Variants in KIZ observed in about 807,000 individuals in gnomAD.
KIZ encodes kizuna centrosomal protein, also known as centrosomal protein kizuna.
KIZ carries 68 observed loss-of-function variants against 79.6 expected under a neutral mutation model. That is an observed-to-expected ratio of 0.85 (90% CI 0.70 to 1.05). KIZ has a LOEUF of 1.05. Ranked by LOEUF, KIZ falls within the 50% of genes least tolerant of loss-of-function variation. The pLI, the probability that KIZ is intolerant of heterozygous loss-of-function variation, is 0.00. For synonymous variants in KIZ, 280 were observed against 281.8 expected (o/e 0.99, Z 0.06); for missense variants, 797 against 800.4 (o/e 1.00, Z 0.05).
chr20:21,203,823 A>G (rs1423381025), intron 6 of KIZ, among the ~76,000 whole-genome samples: 2 of 152,198 alleles, frequency 1.3e-5, no homozygotes, highest in Non-Finnish European at 2.9e-5. Flanking sequence ...AAAATTAGCC[A>G]TCTTAACCAT....
At chr20:21,150,277 C>G (rs898249605) in intron 4 of KIZ, among the ~76,000 whole-genome samples, 2 of 152,212 alleles carry the variant, frequency 1.3e-5, no homozygotes, top group African/African-American at 4.8e-5. Context: ...TGGGCCCGCC[C>G]TCTCACACCT....
chr20:21,155,628 C>T (rs939357244), intron 4 of KIZ, among the ~76,000 whole-genome samples: 18 of 151,978 alleles, frequency 1.2e-4, no homozygotes, highest in African/African-American at 3.9e-4. Flanking sequence ...CACAACTCTG[C>T]GAATATACTA....
At chr20:21,172,565 C>CTCCA (rs1337337767) in intron 6 of KIZ, among the ~76,000 whole-genome samples, 2 of 151,784 alleles carry the variant, frequency 1.3e-5, no homozygotes, top group African/African-American at 4.8e-5. Flanking sequence ...TGCCACTGCA[C>CTCCA]TCCAGCCTGG....
intron 6 of KIZ, chr20:21,195,430 C>G (rs2035298017): frequency 6.6e-6 from 1 of 152,336 alleles, no homozygotes; most frequent in Admixed American, 6.5e-5. Flanking sequence ...AGATAAAATA[C>G]ACCTTACCAT....
chr20:21,243,090 C>G (rs1255760289), intron 11 of KIZ, among the ~76,000 whole-genome samples: 1 of 152,074 alleles, frequency 6.6e-6, no homozygotes, highest in Non-Finnish European at 1.5e-5. Flanking sequence ...TGGGTTCTTG[C>G]AGGCTCACCT....
chr20:21,165,110 C>G (rs2033869057), intron 6 of KIZ, among the ~76,000 whole-genome samples: 1 of 152,132 alleles, frequency 6.6e-6, no homozygotes, highest in South Asian at 2.1e-4. Flanking sequence ...GCACTATAAC[C>G]TAAACAGTTC....
At chr20:21,133,768 G>A (rs760774919) in intron 2 of KIZ, among the ~76,000 whole-genome samples, 1 of 152,198 alleles carries the variant, frequency 6.6e-6, no homozygotes, top group African/African-American at 2.4e-5. Flanking sequence ...TGGAGAGCAG[G>A]GCTGGGCTGA....
chr20:21,234,351 CA>C (rs767526030), intron 11 of KIZ, among the ~76,000 whole-genome samples: 176 of 137,546 alleles, frequency 1.3e-3, no homozygotes, highest in African/African-American at 4.5e-3. Flanking sequence ...TTTAAGAAAA[CA>C]AAAAAAAAAA....
chr20:21,227,400 T>C (rs548362038), intron 9 of KIZ, among the ~76,000 whole-genome samples: 1 of 152,172 alleles, frequency 6.6e-6, no homozygotes, highest in Non-Finnish European at 1.5e-5. Context: ...CTGCTCCTTT[T>C]TTTTCAAATT....
At position 21,222,890 on chromosome 20, in the gene KIZ, G is replaced by A. The variant is rs188364652; in HGVS notation, c.1679-6121G>A. Among the ~76,000 whole-genome samples, 455 of 152,330 alleles carry A rather than the reference G, an allele frequency of 3.0e-3. 2 individuals carry two copies. Among genetic ancestry groups the A allele is most frequent in the Non-Finnish European group, 3.7e-3 (252 of 68,032 alleles). On this transcript the variant is annotated intron_variant, in intron 9 of 12. Transcript: ENST00000619189. ...CTATTTCCAAATAAGGTCACGTTCT[G>A]AGGTTCTGGGAGGACATGAGTTTGT...
intron 6 of KIZ, among the ~76,000 whole-genome samples, chr20:21,178,153 G>A (rs2034512156): frequency 6.6e-6 from 1 of 151,894 alleles, no homozygotes; most frequent in Non-Finnish European, 1.5e-5. Context: ...CATAGAATCT[G>A]GAGATTGCTT....
chr20:21,234,227 A>G (rs1042111813), intron 11 of KIZ, among the ~76,000 whole-genome samples: 4 of 152,196 alleles, frequency 2.6e-5, no homozygotes, highest in Non-Finnish European at 5.9e-5. Flanking sequence ...ATATTTTACT[A>G]AACTAAAATC....
intron 5 of KIZ, 72 bp from the exon 6 acceptor site, chr20:21,162,778 A>G: frequency 8.3e-7 from 1 of 1,206,608 alleles, no homozygotes; most frequent in South Asian, 1.5e-5. Context: ...ACTGATGAGT[A>G]ATTCTGCTGT....
chr20:21,166,447 A>G, intron 6 of KIZ: 2 of 1,590,922 alleles, frequency 1.3e-6, no homozygotes, highest in Non-Finnish European at 1.7e-6. Flanking sequence ...CAATGATTTC[A>G]AATTCGCCAG....
intron 11 of KIZ, among the ~76,000 whole-genome samples, chr20:21,239,094 A>C (rs1017509436): frequency 3.9e-5 from 6 of 152,262 alleles, no homozygotes; most frequent in Admixed American, 6.5e-5. Context: ...TGCTGTCTGC[A>C]GGCTGTCACA....
Position 21,135,257 on chromosome 20 carries a change from A to T in KIZ, c.153-1133A>T, listed in dbSNP as rs545404525. On this transcript the variant is annotated intron_variant, in intron 2 of 12. Transcript: ENST00000619189. ...GAACTAGAATTTGGATGGAGAAGGC[A>T]TAGTACAATTGTACCCACTCCGGGT... 2.0e-5 allele frequency among the ~76,000 whole-genome samples: 3 copies of T among 152,318 alleles called. No individual in the cohort carries two copies. The South Asian group carries it at 6.2e-4, about 32-fold the overall frequency.
At chr20:21,162,760 T>C (rs1205838936) in intron 5 of KIZ, 90 bp from the exon 6 acceptor site, 3 of 1,056,662 alleles carry the variant, frequency 2.8e-6, no homozygotes. Context: ...TGCTTCTCCA[T>C]GTTTTTAACT....
At chr20:21,212,487 A>G (rs1185130717) in intron 7 of KIZ, among the ~76,000 whole-genome samples, 2 of 152,232 alleles carry the variant, frequency 1.3e-5, no homozygotes, top group Non-Finnish European at 2.9e-5. Flanking sequence ...ACTCATTTGT[A>G]AGCTAATGTA....
rs1164239662 is a variant in KIZ at position 21,246,515 on chromosome 20, T to C, written c.1961T>C (p.Ile654Thr). ...GAGTCTGATGACAGTAACTCAGAAA[T>C]TGAGGCTGCTTTACGCCCCAGAAAC... ...WDESDDSNSE[I>T]EAALRPRNHN... The change falls in exon 13 of 13, where the codon ATT becomes ACT. Residue 654 changes from isoleucine to threonine, a missense_variant. Transcript: ENST00000619189. The C allele has an allele frequency of 6.2e-7, 1 of 1,612,130 alleles. No individual in the cohort carries two copies. Among genetic ancestry groups the C allele is most frequent in the South Asian group, 1.1e-5 (1 of 90,994 alleles).
Sources: gnomAD v4.1 joint callset for allele counts (sites outside exome capture counted in the v4.1 genomes callset) on GRCh38, gnomAD v4.1.1 for gene constraint, MANE v1.5 for transcripts, NCBI Gene and HGNC (gene_info 2026-07-23, HGNC 2026-07-21) for gene names.